The following FSTL4 variants were observed in gnomAD, a reference collection of about 807,000 sequenced individuals.
The protein encoded by FSTL4 is follistatin like 4.
In FSTL4, 28 loss-of-function variants were observed where a neutral mutation model predicts 78.2. The observed-to-expected ratio is 0.36, with a 90% CI of 0.27 to 0.49. The LOEUF is 0.49. Among genes scored for constraint, FSTL4 ranks in the 20% least tolerant of loss-of-function variants. The pLI, the probability that FSTL4 is intolerant of heterozygous loss-of-function variation, is 0.98. For synonymous variants in FSTL4, 422 were observed against 440.5 expected (o/e 0.96, Z 0.53); for missense variants, 922 against 1,084.9 (o/e 0.85, Z 2.11).
At chr5:133,684,457 G>A in the FSTL4 span, among the ~76,000 whole-genome samples, 31 of 152,294 alleles carry the variant, frequency 2.0e-4, no homozygotes, top group Admixed American at 1.8e-3. Context: ...CCTCCCAAGC[G>A]CAGAAAGGCA....
At chr5:133,677,729 C>A in the FSTL4 span, among the ~76,000 whole-genome samples, 8 of 152,146 alleles carry the variant, frequency 5.3e-5, no homozygotes, top group African/African-American at 1.9e-4. Flanking sequence ...CAGGGACTTT[C>A]GTCAAGTTGC....
chr5:133,481,361 C>T (rs1226593734), intron 3 of FSTL4, among the ~76,000 whole-genome samples: 2 of 151,850 alleles, frequency 1.3e-5, no homozygotes, highest in African/African-American at 4.8e-5. Context: ...GCCAACATGG[C>T]AAAACACCTA....
intron 3 of FSTL4, among the ~76,000 whole-genome samples, chr5:133,532,767 G>C (rs1188256757): frequency 6.6e-6 from 1 of 152,166 alleles, no homozygotes; most frequent in African/African-American, 2.4e-5. Context: ...AATGTCACCT[G>C]TGGCCATCCT....
chr5:133,372,929 G>A (rs1458961373), intron 4 of FSTL4, among the ~76,000 whole-genome samples: 1 of 152,164 alleles, frequency 6.6e-6, no homozygotes, highest in East Asian at 1.9e-4. Context: ...TCCCACCTGT[G>A]AGAACATCAT....
chr5:133,204,958 CCA>C (rs1448506871), intron 14 of FSTL4, among the ~76,000 whole-genome samples: 3 of 152,088 alleles, frequency 2.0e-5, no homozygotes, highest in Non-Finnish European at 4.4e-5. Flanking sequence ...TAATCCTAGC[CCA>C]CAGTGATGAA....
chr5:133,806,906 C>T, the FSTL4 span, among the ~76,000 whole-genome samples: 11 of 152,186 alleles, frequency 7.2e-5, no homozygotes, highest in Admixed American at 5.2e-4. Flanking sequence ...CTAAGGGAGC[C>T]CAGTCTTTGC....
In FSTL4 at chr5:133,363,353, T is replaced by C. The variant is rs967019409; in HGVS notation, c.409+37385A>G. ...TTTTCCTTTGGGGGATATCAGGTTA[T>C]GGGGGAGTCATTTACGGTAGCCCCC... On this transcript the variant is annotated intron_variant, in intron 4 of 15. Coordinates refer to ENST00000265342, the MANE Select transcript of FSTL4 (RefSeq NM_015082.2). Among the ~76,000 whole-genome samples, 4 of 152,170 alleles carry C rather than the reference T, an allele frequency of 2.6e-5. No homozygotes were observed. The South Asian group carries it at 8.3e-4, about 32-fold the overall frequency.
chr5:133,422,048 G>A (rs1217928754), intron 3 of FSTL4, among the ~76,000 whole-genome samples: 1 of 152,196 alleles, frequency 6.6e-6, no homozygotes, highest in Non-Finnish European at 1.5e-5. Flanking sequence ...ACAAGCTGAA[G>A]AGGATCAGAG....
At chr5:133,227,546 TG>T (rs1170815175) in intron 8 of FSTL4, among the ~76,000 whole-genome samples, 1 of 152,102 alleles carries the variant, frequency 6.6e-6, no homozygotes, top group Non-Finnish European at 1.5e-5. Context: ...GTACTGGCCT[TG>T]GGGGTGGTTG....
rs538271684 is a variant in FSTL4 at position 133,440,557 on chromosome 5, C to T, written c.161-39571G>A. On this transcript the variant is annotated intron_variant, in intron 3 of 15. Transcript: ENST00000265342. The surrounding 1 kb of genome is among the most constrained non-coding windows in gnomAD (Gnocchi z 4.1). ...GCAGTCGGTACTGGACTTAGCTTAT[C>T]GCCTCCCCAGGATGGATGTGCCAAG... Among the ~76,000 whole-genome samples, 30 of 152,328 alleles carry T rather than the reference C, an allele frequency of 2.0e-4. No homozygotes were observed. Among genetic ancestry groups the T allele is most frequent in the Admixed American group, 4.6e-4 (7 of 15,304 alleles).
chr5:133,453,276 CCATCATCAT>C (rs775107477), intron 3 of FSTL4, among the ~76,000 whole-genome samples: 4 of 151,940 alleles, frequency 2.6e-5, no homozygotes, highest in African/African-American at 7.2e-5. Flanking sequence ...TTCATCATCA[CCATCATCAT>C]CATCATCATC....
intron 7 of FSTL4, among the ~76,000 whole-genome samples, chr5:133,241,543 C>T (rs1458583422): frequency 1.3e-5 from 2 of 152,208 alleles, no homozygotes; most frequent in Non-Finnish European, 2.9e-5. Context: ...AGGCAAATAC[C>T]TCTTGACATG....
Position 133,220,740 on chromosome 5 carries a change from T to C in FSTL4, c.1458+8A>G. ...GATGTAGAAGCTGCCCCAGGCACAG[T>C]TACTTACATAGCTCATGAAAATCTT... is the stretch of plus-strand genomic sequence containing the variant. On this transcript the variant is annotated splice_region_variant and intron_variant, in intron 12 of 15. Coordinates refer to ENST00000265342, the MANE Select transcript of FSTL4 (RefSeq NM_015082.2). 1 of 1,414,434 alleles carries C rather than the reference T, an allele frequency of 7.1e-7. No individual in the cohort carries two copies. Among genetic ancestry groups the C allele is most frequent in the East Asian group, 2.3e-5 (1 of 43,932 alleles). The allele number at this position is 1,414,434 out of a possible 1,614,324, so 87.6% of individuals were successfully genotyped here.
chr5:133,285,636 C>T (rs1753110907), intron 6 of FSTL4, among the ~76,000 whole-genome samples: 1 of 152,234 alleles, frequency 6.6e-6, no homozygotes, highest in Non-Finnish European at 1.5e-5. Context: ...ACTCATCTCA[C>T]GTGATCTTCC....
chr5:133,801,910 G>A, the FSTL4 span, among the ~76,000 whole-genome samples: 1 of 152,156 alleles, frequency 6.6e-6, no homozygotes, highest in Non-Finnish European at 1.5e-5. Flanking sequence ...GCCTGGGCAT[G>A]CAAACACACC....
At chr5:133,340,274 A>G (rs1229569155) in intron 4 of FSTL4, among the ~76,000 whole-genome samples, 6 of 152,164 alleles carry the variant, frequency 3.9e-5, no homozygotes, top group Admixed American at 3.9e-4. Context: ...ATGGCAGAGA[A>G]ATACTCTTTG....
chr5:133,559,864 G>T (rs1252619054), intron 3 of FSTL4, among the ~76,000 whole-genome samples: 3 of 152,206 alleles, frequency 2.0e-5, no homozygotes, highest in Admixed American at 6.5e-5. Flanking sequence ...CCCAGGGACT[G>T]GTGGGAAGAG....
At chr5:133,664,319 T>TAA in the FSTL4 span, among the ~76,000 whole-genome samples, 8,792 of 135,062 alleles carry the variant, frequency 0.065, 334 homozygotes, top group East Asian at 0.11. Flanking sequence ...TCTTTTTTTT[T>TAA]TAAAAAAAAT....
the FSTL4 span, among the ~76,000 whole-genome samples, chr5:133,634,560 T>C: frequency 1.3e-5 from 2 of 152,194 alleles, no homozygotes; most frequent in East Asian, 3.8e-4. Context: ...CTTATGTCTC[T>C]TTATAATGTC....
Sources: gnomAD v4.1 joint callset for allele counts (sites outside exome capture counted in the v4.1 genomes callset) on GRCh38, gnomAD v4.1.1 for gene constraint, Gnocchi (gnomAD v3.1) non-coding constraint, MANE v1.5 for transcripts, NCBI Gene and HGNC (gene_info 2026-07-23, HGNC 2026-07-21) for gene names.